Variants in STK11IP observed in about 807,000 individuals in gnomAD.
The protein encoded by STK11IP is serine/threonine kinase 11 interacting protein, also known as serine/threonine-protein kinase 11-interacting protein.
Under a neutral mutation model 131.7 loss-of-function variants are expected in STK11IP, and 103 were observed. The observed-to-expected ratio is 0.78, with a 90% CI of 0.67 to 0.92. The LOEUF is 0.92. Among genes scored for constraint, STK11IP ranks in the 40% least tolerant of loss-of-function variants. The probability of loss-of-function intolerance (pLI) is 0.00; values close to 1 mark genes in which losing one functional copy is unlikely to be tolerated. For synonymous variants in STK11IP, 557 were observed against 575.6 expected, an observed-to-expected ratio of 0.97 and a Z score of 0.46; for missense variants, 1,315 against 1,385.7, an observed-to-expected ratio of 0.95 and a Z score of 0.81.
intron 20 of STK11IP, among the ~76,000 whole-genome samples, chr2:219,613,515 T>G (rs1225219842): frequency 9.7e-5 from 1 of 10,286 alleles, no homozygotes; most frequent in African/African-American, 4.3e-4. Flanking sequence ...ATGGGGTGAG[T>G]GGGGGGCGGA....
Position 219,611,627 on chromosome 2 carries a change from TGTG to T in STK11IP, c.2131_2133del (p.Gly711del), listed in dbSNP as rs1337298427. ...AGAATCTCCTGCTGTGTGTCCTAAC[TGTG>T]GTAGTGACCACGTGGTTCTCCTCGC... is the stretch of plus-strand genomic sequence containing the variant. On this transcript the variant is annotated inframe_deletion, in exon 18 of 25. Coordinates refer to ENST00000456909, the MANE Select transcript of STK11IP (RefSeq NM_052902.4). 1 of 1,613,090 alleles carries T rather than the reference TGTG, an allele frequency of 6.2e-7. No individual in the cohort carries two copies. Among genetic ancestry groups the T allele is most frequent in the East Asian group, 2.2e-5 (1 of 44,858 alleles).
At chr2:219,600,049 TTTTG>T (rs1697932245) in intron 2 of STK11IP, among the ~76,000 whole-genome samples, 1 of 139,338 alleles carries the variant, frequency 7.2e-6, no homozygotes, top group African/African-American at 3.0e-5. Context: ...GTGTTTTTTT[TTTTG>T]TTTTTGTTTT....
intron 7 of STK11IP, among the ~76,000 whole-genome samples, chr2:219,604,984 C>T (rs1698103087): frequency 6.6e-6 from 1 of 152,188 alleles, no homozygotes; most frequent in Non-Finnish European, 1.5e-5. Context: ...TGTGTGCCAC[C>T]ACGCCCAGCT....
At chr2:219,615,864 G>A (rs950838569) in intron 24 of STK11IP, 180 bp from the exon 25 acceptor site, 30 of 841,314 alleles carry the variant, frequency 3.6e-5, no homozygotes, top group African/African-American at 5.1e-5. Flanking sequence ...AGTAAACGTC[G>A]GCTGGATTCT....
chr2:219,598,167 G>A lies in STK11IP; in HGVS notation c.48G>A (p.Leu16=). The part of the protein sequence containing the change: ...RDSLLWKLAG[L]LRESGDVVLS... The stretch of plus-strand genomic sequence containing the variant: ...CCCTGTTGTGGAAGCTCGCGGGGTT[G>A]CTGCGGGAGTCCGGTGAGTGGACTT... The change falls in exon 2 of 25, where the codon TTG becomes TTA. Residue 16 remains leucine (L), a synonymous_variant. Transcript: ENST00000456909. 6.4e-7 allele frequency: 1 copy of A among 1,565,952 alleles called. No homozygotes were observed.
intron 22 of STK11IP, 25 bp from the exon 23 acceptor site, chr2:219,614,451 C>T (rs1698508433): frequency 6.2e-7 from 1 of 1,612,358 alleles, no homozygotes; most frequent in African/African-American, 1.3e-5. Flanking sequence ...AGCTGATCTT[C>T]CTGTGCCTGC....
At chr2:219,601,830 C>T in intron 4 of STK11IP, 115 bp downstream of exon 4, 1 of 1,280,730 alleles carries the variant, frequency 7.8e-7, no homozygotes, top group South Asian at 1.3e-5. Context: ...ATACCCATTG[C>T]TCTGCAGTCA....
In STK11IP at chr2:219,608,109, C is replaced by G. The variant is rs78461888; in HGVS notation, c.1282C>G (p.Arg428Gly). The change falls in exon 14 of 25, where the codon CGC becomes GGC. Residue 428 changes from arginine to glycine, a missense_variant. Physicochemically the swap from Arg to Gly is moderately radical, Grantham distance 125 (BLOSUM62 -2). Transcript: ENST00000456909. ...GAGCAGCTTCCGGGAACGGTTCGGC[C>G]GCAACTGGCTGCAGTACAGGAGTCA... is the stretch of plus-strand genomic sequence containing the variant. ...LMSSFRERFG[R>G]NWLQYRSHLE... The G allele has an allele frequency of 1.2e-6, 2 of 1,613,238 alleles. No individual in the cohort carries two copies. Among genetic ancestry groups the G allele is most frequent in the African/African-American group, 1.3e-5 (1 of 75,010 alleles).
At chr2:219,602,668 G>A in intron 6 of STK11IP, 37 bp from the exon 7 acceptor site, 1 of 1,613,068 alleles carries the variant, frequency 6.2e-7, no homozygotes, top group Non-Finnish European at 8.5e-7. Flanking sequence ...GTATTGTAGT[G>A]AACATCGATT....
chr2:219,609,325 C>T (rs1011155752), intron 16 of STK11IP, 38 bp from the exon 17 acceptor site: 15 of 1,606,320 alleles, frequency 9.3e-6, no homozygotes, highest in East Asian at 2.2e-5. Flanking sequence ...GTCTGGGGTC[C>T]GCCTGCTCAC....
At chr2:219,600,041 GTTTTTTTTTTTGTTTTTGT>G (rs1305205815) in intron 2 of STK11IP, among the ~76,000 whole-genome samples, 2 of 91,932 alleles carry the variant, frequency 2.2e-5, no homozygotes, top group African/African-American at 8.2e-5. Context: ...TGCCCTTTGT[GTTTTTTTTTTTGTTTTTGT>G]TTTTTTTTTT....
chr2:219,612,886 G>A (rs946288568), intron 19 of STK11IP, among the ~76,000 whole-genome samples: 2 of 152,212 alleles, frequency 1.3e-5, no homozygotes, highest in Non-Finnish European at 2.9e-5. Context: ...CTGGCGGAGC[G>A]TGGAGGGGGT....
rs1698484565 is a variant in STK11IP, at chr2:219,613,764, TAGCTGGCTGC to T, written c.2556_2565del (p.Trp852Ter). ...CCTCTCTCCACAGTGAGCCTCCAGCTAGCTGGCTGCAGCTGACCCTGGCTGTTCCCCTGCA... is the reference window on the plus strand; with the variant it reads ...CCTCTCTCCACAGTGAGCCTCCAGCTAGCTGACCCTGGCTGTTCCCCTGCA... On this transcript the variant is annotated frameshift_variant, in exon 21 of 25. Coordinates refer to ENST00000456909, the MANE Select transcript of STK11IP (RefSeq NM_052902.4). LOFTEE classifies it high-confidence loss of function. 1 of 1,612,282 alleles carries T rather than the reference TAGCTGGCTGC, an allele frequency of 6.2e-7. No individual in the cohort carries two copies. The highest frequency in any genetic ancestry group is 1.3e-5 in the African/African-American group (1 of 74,862).
chr2:219,603,623 C>G, intron 7 of STK11IP, among the ~76,000 whole-genome samples: 1 of 151,770 alleles, frequency 6.6e-6, no homozygotes, highest in South Asian at 2.1e-4. Context: ...TGGGTTCAAG[C>G]AGTTCTCCTG....
chr2:219,612,755 G>A (rs927462603), intron 19 of STK11IP, among the ~76,000 whole-genome samples: 1 of 152,220 alleles, frequency 6.6e-6, no homozygotes, highest in Non-Finnish European at 1.5e-5. Context: ...CAGGGGCCAG[G>A]TCAGGAGCTG....
rs1697978628 is a variant in STK11IP at position 219,601,389 on chromosome 2, T to G, written c.216T>G (p.Ile72Met). ...LPSHPADSPVILQLQFLFDVL... is the reference protein window; with the variant it reads ...LPSHPADSPVMLQLQFLFDVL... ...CCCATCCTGCCGACTCCCCTGTTAT[T>G]CTTCAGCTTCAGTTTCTCTTCGATG... The change falls in exon 3 of 25, where the codon ATT becomes ATG. Residue 72 changes from isoleucine to methionine, a missense_variant. By Grantham distance (10) the Ile-to-Met change is conservative. Coordinates refer to ENST00000456909, the MANE Select transcript of STK11IP (RefSeq NM_052902.4). 2 of 1,613,948 alleles carry G rather than the reference T, an allele frequency of 1.2e-6. No individual in the cohort carries two copies. The highest frequency in any genetic ancestry group is 1.7e-6 in the Non-Finnish European group (2 of 1,179,912).
chr2:219,614,342 G>A, intron 22 of STK11IP, 100 bp downstream of exon 22: 2 of 1,531,594 alleles, frequency 1.3e-6, no homozygotes, highest in Non-Finnish European at 1.8e-6. Context: ...GCAGCCACCT[G>A]TCCTCATGCC....
At position 219,612,038 on chromosome 2, in the gene STK11IP, G is replaced by C; in HGVS notation, c.2419G>C (p.Glu807Gln). 6.2e-7 allele frequency: 1 copy of C among 1,603,660 alleles called. No individual in the cohort carries two copies. Among genetic ancestry groups the C allele is most frequent in the Non-Finnish European group, 8.5e-7 (1 of 1,175,872 alleles). The change falls in exon 19 of 25, where the codon GAG becomes CAG. Residue 807 changes from glutamate (E) to glutamine (Q), a missense_variant. By Grantham distance (29) the Glu-to-Gln change is conservative. Transcript: ENST00000456909. ...DVEVFSDAQE[E>Q]FQCCLKVPVA... ...TGAGGTGTTCAGCGATGCCCAGGAG[G>C]AGTTCCAGTGCTGCCTCAAGGTCTG...
chr2:219,611,543 A>T, intron 17 of STK11IP, 61 bp from the exon 18 acceptor site: 1 of 1,363,026 alleles, frequency 7.3e-7, no homozygotes, highest in South Asian at 1.2e-5. Context: ...CATCGTGAGC[A>T]TGGTGGGAGT....
Sources: allele counts gnomAD v4.1 joint callset (sites outside exome capture counted in the v4.1 genomes callset), GRCh38; gene constraint gnomAD v4.1.1; transcripts MANE v1.5; gene names NCBI Gene and HGNC (gene_info 2026-07-23, HGNC 2026-07-21).